The following MYH8 variants were observed in gnomAD, a reference collection of about 807,000 sequenced individuals.
MYH8 encodes the protein myosin-8.
A neutral mutation model predicts 233.2 loss-of-function variants in MYH8; 168 were observed. The observed-to-expected ratio is 0.72, with a 90% CI of 0.64 to 0.82. MYH8 has a LOEUF of 0.82. MYH8 is among the 40% of genes least tolerant of loss of function. The pLI is 0.00. For synonymous variants in MYH8, 785 were observed against 850.6 expected, an observed-to-expected ratio of 0.92 and a Z score of 1.34; for missense variants, 1,995 against 2,327.8, an observed-to-expected ratio of 0.86 and a Z score of 2.94.
intron 35 of MYH8, 105 bp downstream of exon 35, chr17:10,394,144 T>C: frequency 7.0e-7 from 1 of 1,426,922 alleles, no homozygotes; most frequent in Non-Finnish European, 9.8e-7. Context: ...ATATCCCCCA[T>C]CCATGTTTAC....
intron 36 of MYH8, 28 bp downstream of exon 36, chr17:10,393,057 G>A (rs776508765): frequency 5.6e-6 from 9 of 1,614,226 alleles, no homozygotes; most frequent in South Asian, 3.3e-5. Context: ...AGGTGCATAC[G>A]TGTCAGTAGG....
intron 5 of MYH8, among the ~76,000 whole-genome samples, chr17:10,418,014 T>G (rs1204402672): frequency 6.6e-6 from 1 of 152,232 alleles, no homozygotes; most frequent in Non-Finnish European, 1.5e-5. Flanking sequence ...GGGCCTATAA[T>G]GCGTATCAAA....
At chr17:10,421,247 T>A (rs1411185419) in intron 2 of MYH8, among the ~76,000 whole-genome samples, 1 of 152,154 alleles carries the variant, frequency 6.6e-6, no homozygotes, top group Non-Finnish European at 1.5e-5. Flanking sequence ...TAACAACAAA[T>A]AACAAATAAT....
At position 10,396,531 on chromosome 17, in the gene MYH8, A is replaced by G. The variant is rs376167375; in HGVS notation, c.4528+22T>C. ...AGGTCCTCCCAGGGATATATGGAGTAGGGAGGACTGTGAGGACTCACGTTG... is the reference window on the plus strand; with the variant it reads ...AGGTCCTCCCAGGGATATATGGAGTGGGGAGGACTGTGAGGACTCACGTTG... On this transcript the variant is annotated intron_variant, in intron 32 of 39. Transcript: ENST00000403437. This position sits in a 1 kb window ranked among gnomAD's most constrained non-coding sequence, Gnocchi z 4.2. 2.1e-5 allele frequency: 34 copies of G among 1,613,770 alleles called. No homozygotes were observed. In the African/African-American group the frequency reaches 4.0e-4, roughly 19 times the overall value.
At position 10,409,486 on chromosome 17, in the gene MYH8, C is replaced by T. The variant is rs201603486; in HGVS notation, c.1690G>A (p.Ala564Thr). Reference sequence around the variant, plus strand: ...ACCACCTTGGGCTTCTGGAAGTTGGCAGACTTGCCCAGGTGCTGGTCATAC... The same window carrying T: ...ACCACCTTGGGCTTCTGGAAGTTGGTAGACTTGCCCAGGTGCTGGTCATAC... ...KLYDQHLGKS[A>T]NFQKPKVVKG... The change falls in exon 16 of 40, where the codon GCC (alanine) becomes ACC (threonine). Residue 564 changes from alanine (A) to threonine (T), a missense_variant. Ala to Thr is a moderately conservative substitution (Grantham distance 58). This residue lies in a region of MYH8 where 1,498 missense variants were observed against 1,680.9 expected (regional missense o/e 0.89). Coordinates refer to ENST00000403437, the MANE Select transcript of MYH8 (RefSeq NM_002472.3). 3 of 1,614,226 alleles carry T rather than the reference C, an allele frequency of 1.9e-6. No homozygotes were observed. The highest frequency in any genetic ancestry group is 2.2e-5 in the East Asian group (1 of 44,884).
Position 10,404,041 on chromosome 17 carries a change from G to A in MYH8, c.2688+289C>T, listed in dbSNP as rs549169505. On this transcript the variant is annotated intron_variant, in intron 22 of 39. Transcript: ENST00000403437. ...GCTGGGCTAAAGTAGCCCAGGCAAA[G>A]GGGTAAAATATTTGACTGAGACTTG... Among the ~76,000 whole-genome samples the A allele has an allele frequency of 5.3e-5, 8 of 152,326 alleles. No homozygotes were observed. In the East Asian group the frequency reaches 1.5e-3, roughly 29 times the overall value.
rs2072324183 is a variant in MYH8, at chr17:10,420,153, C to T, written c.75G>A (p.Glu25=). The T allele has an allele frequency of 6.2e-7, 1 of 1,614,090 alleles. No homozygotes were observed. The highest frequency in any genetic ancestry group is 8.5e-7 in the Non-Finnish European group (1 of 1,180,056). The change falls in exon 3 of 40, where the codon GAG becomes GAA. Residue 25 remains glutamate (E), a synonymous_variant. Transcript: ENST00000403437. The part of the protein sequence containing the change: ...AAPYLRKSEK[E]RIEAQNKPFD... ...ACGGCTTGTTTTGGGCCTCAATCCG[C>T]TCCTTTTCTGATTTTCGAAGGTAGG...
chr17:10,404,726 T>TACAC (rs60545187), intron 21 of MYH8, 141 bp from the exon 22 acceptor site: 180 of 777,596 alleles, frequency 2.3e-4, no homozygotes, highest in East Asian at 6.2e-4. Flanking sequence ...ATGCAGGCTT[T>TACAC]ACACACACAC....
chr17:10,415,997 C>G lies in MYH8; in HGVS notation c.512-289G>C, dbSNP rs1483703741. Among the ~76,000 whole-genome samples, 2 of 152,072 alleles carry G rather than the reference C, an allele frequency of 1.3e-5. No homozygotes were observed. Among genetic ancestry groups the G allele is most frequent in the African/African-American group, 4.8e-5 (2 of 41,404 alleles). ...TAACCATTTTTAAGTGTAGAGATCA[C>G]TGGCAGTAAGTACATTCATAAAGTT... On this transcript the variant is annotated intron_variant, in intron 5 of 39. Coordinates refer to ENST00000403437, the MANE Select transcript of MYH8 (RefSeq NM_002472.3). This position sits in a 1 kb window ranked among gnomAD's most constrained non-coding sequence, Gnocchi z 4.1.
chr17:10,402,203 G>T (rs575306334), intron 22 of MYH8, among the ~76,000 whole-genome samples: 1 of 152,202 alleles, frequency 6.6e-6, no homozygotes, highest in East Asian at 1.9e-4. Flanking sequence ...GAGCTTTTCA[G>T]CTGTAATATT....
Position 10,396,749 on chromosome 17 carries a change from A to G in MYH8, c.4363-31T>C. The G allele has an allele frequency of 1.9e-6, 3 of 1,614,202 alleles. No homozygotes were observed. The highest frequency in any genetic ancestry group is 1.1e-5 in the South Asian group (1 of 91,080). On this transcript the variant is annotated intron_variant, in intron 31 of 39. Coordinates refer to ENST00000403437, the MANE Select transcript of MYH8 (RefSeq NM_002472.3). This position sits in a 1 kb window ranked among gnomAD's most constrained non-coding sequence, Gnocchi z 4.2. The stretch of plus-strand genomic sequence containing the variant: ...AAGCAATAAATCATGAGTTGATCCA[A>G]GGAGAAAGGAAGACCGAGTAAAACA...
In MYH8 at chr17:10,393,149, T is replaced by A; in HGVS notation, c.5228A>T (p.Glu1743Val). Residue 1743 changes from glutamate (E) to valine (V), a missense_variant, in exon 36 of 40, where the codon GAA (glutamate) becomes GTA (valine). Physicochemically the swap from Glu to Val is moderately radical, Grantham distance 121. Around this residue, in one of 3 missense-constraint regions of MYH8, gnomAD observed 1,498 missense variants for 1,680.9 expected, o/e 0.89. Transcript: ENST00000403437. ...TGATTCTTGGATTACTTCTTCCACT[T>A]CACTTTGGAGTTGGGAAACGTCATT... ...LENDVSQLQS[E>V]VEEVIQESRN... The A allele has an allele frequency of 1.2e-6, 2 of 1,614,244 alleles. No individual in the cohort carries two copies. Among genetic ancestry groups the A allele is most frequent in the Non-Finnish European group, 1.7e-6 (2 of 1,180,038 alleles).
chr17:10,391,892 G>T lies in MYH8; in HGVS notation c.5654C>A (p.Ala1885Asp). The T allele has an allele frequency of 6.2e-7, 1 of 1,613,612 alleles. No individual in the cohort carries two copies. The highest frequency in any genetic ancestry group is 1.1e-5 in the South Asian group (1 of 91,064). The change falls in exon 39 of 40, where the codon GCT (alanine) becomes GAT (aspartate). Residue 1885 changes from alanine to aspartate, a missense_variant. Ala to Asp is a moderately radical substitution (Grantham distance 126). Coordinates refer to ENST00000403437, the MANE Select transcript of MYH8 (RefSeq NM_002472.3). ...QAKVKSYKRQ[A>D]EEAEEQSNAN... is the part of the protein sequence containing the mutation. Reference sequence around the variant, plus strand: ...CTTAAAGATACTTACAGCCTCCTCAGCTTGTCTCTTGTATGATTTCACCTT... The same window carrying T: ...CTTAAAGATACTTACAGCCTCCTCATCTTGTCTCTTGTATGATTTCACCTT...
chr17:10,400,258 C>T lies in MYH8; in HGVS notation c.3735+132G>A. On this transcript the variant is annotated intron_variant, in intron 27 of 39. Coordinates refer to ENST00000403437, the MANE Select transcript of MYH8 (RefSeq NM_002472.3). The surrounding 1 kb of genome is among the most constrained non-coding windows in gnomAD (Gnocchi z 4.0). Reference sequence around the variant, plus strand: ...TCATAACCAGCATTTTAAAAAATACCATAGAATGGGATATATTTGGTTAGA... The same window carrying T: ...TCATAACCAGCATTTTAAAAAATACTATAGAATGGGATATATTTGGTTAGA... 1 of 1,240,986 alleles carries T rather than the reference C, an allele frequency of 8.1e-7. No individual in the cohort carries two copies. Among genetic ancestry groups the T allele is most frequent in the South Asian group, 1.2e-5 (1 of 81,932 alleles). The allele number at this position is 1,240,986 out of a possible 1,614,324, so 76.9% of individuals were successfully genotyped here.
intron 38 of MYH8, among the ~76,000 whole-genome samples, 196 bp downstream of exon 38, chr17:10,392,346 T>C (rs1298839732): frequency 6.6e-6 from 1 of 152,244 alleles, no homozygotes; most frequent in African/African-American, 2.4e-5. Flanking sequence ...ACTGTCATGC[T>C]ATTTTCTAAA....
Position 10,395,185 on chromosome 17 carries a change from C to CT in MYH8, c.4909_4910insA (p.Arg1637GlnfsTer26). The CT allele has an allele frequency of 6.2e-7, 1 of 1,614,078 alleles. No individual in the cohort carries two copies. The highest frequency in any genetic ancestry group is 8.5e-7 in the Non-Finnish European group (1 of 1,180,026). ...GTTCCTTAAACTCTCTGCAGCTAAG[C>CT]GATTGGCATGGTTCAGCTGGATTTC... On this transcript the variant is annotated frameshift_variant, in exon 34 of 40. Coordinates refer to ENST00000403437, the MANE Select transcript of MYH8 (RefSeq NM_002472.3). LOFTEE classifies it high-confidence loss of function.
Position 10,413,992 on chromosome 17 carries a change from A to G in MYH8, c.1057T>C (p.Tyr353His), listed in dbSNP as rs774876652. ...TGCATCACAGCCCCTGTGAGTTTAT[A>G]GATGGACACTTTCTCTTCAGGAGTG... is the stretch of plus-strand genomic sequence containing the variant. Reference protein sequence around the residue: ...GFTPEEKVSIYKLTGAVMHYG... With the variant: ...GFTPEEKVSIHKLTGAVMHYG... Residue 353 changes from tyrosine to histidine, a missense_variant, in exon 12 of 40, where the codon TAT (tyrosine) becomes CAT (histidine). Physicochemically the swap from Tyr to His is moderately conservative, Grantham distance 83. Coordinates refer to ENST00000403437, the MANE Select transcript of MYH8 (RefSeq NM_002472.3). 20 of 1,614,036 alleles carry G rather than the reference A, an allele frequency of 1.2e-5. No individual in the cohort carries two copies. In the East Asian group the frequency reaches 4.5e-4, roughly 36 times the overall value.
intron 2 of MYH8, among the ~76,000 whole-genome samples, chr17:10,421,247 TAAC>T (rs2072337475): frequency 6.6e-6 from 1 of 152,154 alleles, no homozygotes; most frequent in African/African-American, 2.4e-5. Context: ...TAACAACAAA[TAAC>T]AAATAATCAA....
At chr17:10,407,699 T>A (rs1272447000) in intron 17 of MYH8, among the ~76,000 whole-genome samples, 1 of 151,724 alleles carries the variant, frequency 6.6e-6, no homozygotes, top group East Asian at 1.9e-4. Context: ...ATTAGCCAGG[T>A]CTGGTGACGG....
Sources: allele counts gnomAD v4.1 joint callset (sites outside exome capture counted in the v4.1 genomes callset), GRCh38; gene constraint gnomAD v4.1.1; regional missense constraint gnomAD v4.1.1; non-coding constraint Gnocchi (gnomAD v3.1); transcripts MANE v1.5; gene names NCBI Gene and HGNC (gene_info 2026-07-23, HGNC 2026-07-21).